CDC73: variants seen among roughly 807,000 people sequenced by gnomAD.
The protein encoded by CDC73 is cell division cycle 73, also known as parafibromin.
A neutral mutation model predicts 83.7 loss-of-function variants in CDC73; 21 were observed. The ratio of observed to expected loss-of-function variants is 0.25; its 90% confidence interval spans 0.18 to 0.36. The LOEUF (loss-of-function observed/expected upper bound fraction) is 0.36, where lower values mean the gene tolerates loss of function less well. CDC73 is among the 10% of genes least tolerant of loss of function. CDC73 has a pLI of 1.00. For synonymous variants in CDC73, 224 were observed against 212.9 expected (o/e 1.05, Z -0.45); for missense variants, 342 against 653.3 (o/e 0.52, Z 5.19).
At chr1:193,226,342 T>G (rs1677566974) in intron 13 of CDC73, among the ~76,000 whole-genome samples, 1 of 152,164 alleles carries the variant, frequency 6.6e-6, no homozygotes, top group African/African-American at 2.4e-5. Context: ...GACTGTGTCC[T>G]TATAGTGAAG....
At chr1:193,158,926 A>G (rs1477339576) in intron 10 of CDC73, among the ~76,000 whole-genome samples, 1 of 147,138 alleles carries the variant, frequency 6.8e-6, no homozygotes. Context: ...CGGAACATAT[A>G]TCCGTATTAA....
chr1:193,240,069 G>GATC (rs1457054283), intron 15 of CDC73, among the ~76,000 whole-genome samples: 1 of 151,974 alleles, frequency 6.6e-6, no homozygotes, highest in Non-Finnish European at 1.5e-5. Flanking sequence ...ACCTCCATGA[G>GATC]ATCAACTTTT....
At chr1:193,203,773 A>G in intron 10 of CDC73, 22 bp from the exon 11 acceptor site, 1 of 1,587,250 alleles carries the variant, frequency 6.3e-7, no homozygotes, top group Non-Finnish European at 8.7e-7. Context: ...GATCTTATAT[A>G]TCAATTCTTA....
chr1:193,177,528 T>TAA (rs556503372), intron 10 of CDC73, among the ~76,000 whole-genome samples: 58 of 104,424 alleles, frequency 5.6e-4, no homozygotes, highest in African/African-American at 1.6e-3. Context: ...AGACTCTGTC[T>TAA]AAAAAAAAAA....
intron 8 of CDC73, among the ~76,000 whole-genome samples, chr1:193,148,187 G>A (rs1472553890): frequency 6.6e-6 from 1 of 152,220 alleles, no homozygotes; most frequent in Non-Finnish European, 1.5e-5. Flanking sequence ...ACCTGGGTCA[G>A]AGTCTGAAAA....
rs1572139906 is a variant in CDC73, at chr1:193,122,338, C to A, written c.131+7C>A. 6.2e-7 allele frequency: 1 copy of A among 1,614,024 alleles called. No individual in the cohort carries two copies. Among genetic ancestry groups the A allele is most frequent in the Non-Finnish European group, 8.5e-7 (1 of 1,179,962 alleles). Reference sequence around the variant, plus strand: ...CCAACTATGTTGTTTGGGGGTAAGTCCGGCATGGCTGTGGCCCAGGGGTGG... The same window carrying A: ...CCAACTATGTTGTTTGGGGGTAAGTACGGCATGGCTGTGGCCCAGGGGTGG... On this transcript the variant is annotated splice_region_variant and intron_variant, in intron 1 of 16. Coordinates refer to ENST00000367435, the MANE Select transcript of CDC73 (RefSeq NM_024529.5).
At chr1:193,220,201 G>A (rs558636832) in intron 13 of CDC73, among the ~76,000 whole-genome samples, 6 of 126,934 alleles carry the variant, frequency 4.7e-5, no homozygotes, top group East Asian at 2.2e-4. Flanking sequence ...GAGTCTCGCC[G>A]TGTCACCCAG....
intron 13 of CDC73, among the ~76,000 whole-genome samples, chr1:193,226,021 A>AATTTTTCT (rs1472541778): frequency 6.6e-6 from 1 of 152,048 alleles, no homozygotes; most frequent in Non-Finnish European, 1.5e-5. Context: ...TATCTTCTAG[A>AATTTTTCT]ATTTTTCTAG....
chr1:193,168,841 A>C (rs1204011186), intron 10 of CDC73, among the ~76,000 whole-genome samples: 2 of 152,210 alleles, frequency 1.3e-5, no homozygotes, highest in Non-Finnish European at 2.9e-5. Flanking sequence ...TGCTGTTTTA[A>C]AGGCAGTCAT....
At chr1:193,163,729 G>A (rs980730652) in intron 10 of CDC73, among the ~76,000 whole-genome samples, 2 of 152,022 alleles carry the variant, frequency 1.3e-5, no homozygotes, top group African/African-American at 4.8e-5. Flanking sequence ...TGAAAAGTTT[G>A]TATAACTTTT....
At chr1:193,141,145 A>G (rs1174979980) in intron 6 of CDC73, 1 of 152,200 alleles carries the variant, frequency 6.6e-6, no homozygotes, top group African/African-American at 2.4e-5. Context: ...TTATTAAGGT[A>G]CCCAAACACT....
At chr1:193,140,792 T>A (rs184838901) in intron 6 of CDC73, among the ~76,000 whole-genome samples, 6 of 152,350 alleles carry the variant, frequency 3.9e-5, no homozygotes, top group Non-Finnish European at 8.8e-5. Context: ...ACGAATTATT[T>A]ATTTCTGGAA....
intron 15 of CDC73, among the ~76,000 whole-genome samples, chr1:193,238,531 G>A (rs942394981): frequency 2.0e-5 from 3 of 152,060 alleles, no homozygotes; most frequent in Non-Finnish European, 2.9e-5. Context: ...GTTACACTTT[G>A]TCTCAGATTT....
intron 9 of CDC73, among the ~76,000 whole-genome samples, chr1:193,151,214 A>G (rs1353778650): frequency 6.6e-6 from 1 of 152,238 alleles, no homozygotes; most frequent in Admixed American, 6.5e-5. Context: ...ATTTTTAAGC[A>G]TAATCTGAAA....
intron 9 of CDC73, among the ~76,000 whole-genome samples, chr1:193,151,806 C>A (rs764568608): frequency 6.6e-6 from 1 of 152,030 alleles, no homozygotes; most frequent in African/African-American, 2.4e-5. Context: ...TGCCAGTGGT[C>A]CTAGCTACTC....
intron 6 of CDC73, among the ~76,000 whole-genome samples, chr1:193,138,493 A>G (rs1222669314): frequency 6.6e-6 from 1 of 152,268 alleles, no homozygotes; most frequent in Admixed American, 6.5e-5. Context: ...AAAGTGCCAC[A>G]TGTTAAATAT....
intron 10 of CDC73, among the ~76,000 whole-genome samples, chr1:193,176,933 A>G (rs1676612936): frequency 6.6e-6 from 1 of 152,160 alleles, no homozygotes; most frequent in African/African-American, 2.4e-5. Context: ...CAAAGAAGCA[A>G]GAGATAAGCA....
chr1:193,246,331 A>G (rs990305524), intron 15 of CDC73, among the ~76,000 whole-genome samples: 2 of 151,960 alleles, frequency 1.3e-5, no homozygotes. Flanking sequence ...GTATATAGAG[A>G]TATACAGTTT....
Position 193,222,478 on chromosome 1 carries a change from G to A in CDC73, c.1154+10001G>A, listed in dbSNP as rs188015681. Among the ~76,000 whole-genome samples, 14 of 152,212 alleles carry A rather than the reference G, an allele frequency of 9.2e-5. No individual in the cohort carries two copies. The East Asian group carries it at 2.1e-3, about 23-fold the overall frequency. On this transcript the variant is annotated intron_variant, in intron 13 of 16. Transcript: ENST00000367435. Reference sequence around the variant, plus strand: ...CTAGCCACTTTGGAAAATAATATGGGAGTTTATTTTTTTCCCATCACATTG... The same window carrying A: ...CTAGCCACTTTGGAAAATAATATGGAAGTTTATTTTTTTCCCATCACATTG...
Sources: gnomAD v4.1 joint callset for allele counts (sites outside exome capture counted in the v4.1 genomes callset) on GRCh38, gnomAD v4.1.1 for gene constraint, MANE v1.5 for transcripts, NCBI Gene and HGNC (gene_info 2026-07-23, HGNC 2026-07-21) for gene names.